Variants in QTMAN observed in about 807,000 individuals in gnomAD.
QTMAN encodes the protein tRNA-queuosine alpha-mannosyltransferase.
the QTMAN span, among the ~76,000 whole-genome samples, chr2:143,991,685 G>T: frequency 7.1e-6 from 1 of 139,900 alleles, no homozygotes; most frequent in African/African-American, 2.7e-5. Flanking sequence ...TGGGAGGGAG[G>T]TGGGGGGTCA....
chr2:144,318,317 C>A, the QTMAN span, among the ~76,000 whole-genome samples: 1 of 151,966 alleles, frequency 6.6e-6, no homozygotes, highest in Non-Finnish European at 1.5e-5. Flanking sequence ...AAATTCAGTT[C>A]TCAAGGTAGT....
the QTMAN span, among the ~76,000 whole-genome samples, chr2:144,070,833 C>G: frequency 2.0e-5 from 3 of 151,988 alleles, no homozygotes; most frequent in Admixed American, 6.6e-5. Context: ...TATCAGAAAC[C>G]CTGAGCCAAA....
the QTMAN span, among the ~76,000 whole-genome samples, chr2:144,135,300 A>G: frequency 6.6e-6 from 1 of 152,158 alleles, no homozygotes; most frequent in Admixed American, 6.6e-5. Flanking sequence ...TCCATCCTTA[A>G]CATCTAATGT....
the QTMAN span, among the ~76,000 whole-genome samples, chr2:144,177,759 G>C: frequency 6.6e-6 from 1 of 152,096 alleles, no homozygotes; most frequent in African/African-American, 2.4e-5. Context: ...AAATGAGTGA[G>C]CCACAAATGT....
chr2:144,058,174 A>C, the QTMAN span, among the ~76,000 whole-genome samples: 1 of 145,728 alleles, frequency 6.9e-6, no homozygotes, highest in Admixed American at 6.9e-5. Context: ...ACACACAAAG[A>C]AACTTTTGGA....
chr2:144,095,444 G>A, the QTMAN span, among the ~76,000 whole-genome samples: 1 of 152,018 alleles, frequency 6.6e-6, no homozygotes, highest in Non-Finnish European at 1.5e-5. Context: ...TTAGGAGGTT[G>A]GTCTCAATAA....
chr2:144,161,255 G>A, the QTMAN span, among the ~76,000 whole-genome samples: 1 of 152,132 alleles, frequency 6.6e-6, no homozygotes, highest in East Asian at 1.9e-4. Context: ...CAGATCACTT[G>A]GACATCACAA....
chr2:144,117,069 C>T, the QTMAN span, among the ~76,000 whole-genome samples: 1 of 152,156 alleles, frequency 6.6e-6, no homozygotes, highest in Non-Finnish European at 1.5e-5. Flanking sequence ...AAAAGAAGTT[C>T]TCCTATGGAC....
chr2:143,952,796 A>C, the QTMAN span: 94 of 1,608,862 alleles, frequency 5.8e-5, no homozygotes, highest in Non-Finnish European at 7.2e-5. Flanking sequence ...GGGATAAACC[A>C]AATCTTTAGG....
chr2:143,977,562 G>T, the QTMAN span, among the ~76,000 whole-genome samples: 1 of 152,238 alleles, frequency 6.6e-6, no homozygotes, highest in East Asian at 1.9e-4. Flanking sequence ...CTGAGCCATG[G>T]TAGGCATAAA....
At chr2:144,123,844 C>T in the QTMAN span, among the ~76,000 whole-genome samples, 9 of 151,946 alleles carry the variant, frequency 5.9e-5, no homozygotes, top group African/African-American at 2.2e-4. Flanking sequence ...CCCATTGATA[C>T]CAGTGCGTAA....
At chr2:144,022,187 C>A in the QTMAN span, among the ~76,000 whole-genome samples, 1 of 151,930 alleles carries the variant, frequency 6.6e-6, no homozygotes, top group African/African-American at 2.4e-5. Flanking sequence ...CTGAATATTG[C>A]CTCTTAAAAT....
At chr2:144,019,708 G>A in the QTMAN span, among the ~76,000 whole-genome samples, 2 of 152,238 alleles carry the variant, frequency 1.3e-5, no homozygotes, top group African/African-American at 4.8e-5. Flanking sequence ...CCTAACTTGA[G>A]GGGTTAAACC....
chr2:144,046,235 CA>C, the QTMAN span, among the ~76,000 whole-genome samples: 2 of 152,122 alleles, frequency 1.3e-5, no homozygotes, highest in African/African-American at 2.4e-5. Flanking sequence ...ATTATCAGAT[CA>C]AAAGGCCACG....
the QTMAN span, among the ~76,000 whole-genome samples, chr2:144,238,470 A>C: frequency 6.6e-6 from 1 of 152,188 alleles, no homozygotes; most frequent in Non-Finnish European, 1.5e-5. Context: ...ATTAAGTAGC[A>C]TGTGATACAT....
At chr2:144,243,920 T>C in the QTMAN span, among the ~76,000 whole-genome samples, 3 of 152,346 alleles carry the variant, frequency 2.0e-5, no homozygotes, top group East Asian at 1.9e-4. Flanking sequence ...TCACATGCAC[T>C]TGGATCTATA....
chr2:143,980,704 T>C, the QTMAN span, among the ~76,000 whole-genome samples: 1 of 152,214 alleles, frequency 6.6e-6, no homozygotes, highest in Admixed American at 6.5e-5. Context: ...TAAATAAAGA[T>C]TTGTTTGCTC....
chr2:144,055,720 C>T, the QTMAN span, among the ~76,000 whole-genome samples: 7 of 152,144 alleles, frequency 4.6e-5, no homozygotes, highest in African/African-American at 1.7e-4. Flanking sequence ...TACCCTATTT[C>T]CCTGTCCCCT....
chr2:144,231,547 C>A, the QTMAN span, among the ~76,000 whole-genome samples: 1 of 152,056 alleles, frequency 6.6e-6, no homozygotes, highest in Admixed American at 6.6e-5. Context: ...TAAAACTATA[C>A]AATTTATTGT....
Sources: allele counts gnomAD v4.1 joint callset (sites outside exome capture counted in the v4.1 genomes callset), GRCh38; gene constraint gnomAD v4.1.1; transcripts MANE v1.5; gene names NCBI Gene and HGNC (gene_info 2026-07-23, HGNC 2026-07-21).